The following PTDSS1 variants were observed in gnomAD, a reference collection of about 807,000 sequenced individuals.
The protein encoded by PTDSS1 is PSS-1.
In PTDSS1, 45 loss-of-function variants were observed where a neutral mutation model predicts 70.5. That is an observed-to-expected ratio of 0.64 (90% confidence interval 0.50 to 0.82). PTDSS1 has a LOEUF of 0.82. Among genes scored for constraint, PTDSS1 ranks in the 40% least tolerant of loss-of-function variants. The probability of loss-of-function intolerance (pLI) is 0.00; values close to 1 mark genes in which losing one functional copy is unlikely to be tolerated. For missense variants in PTDSS1, 417 were observed against 586.1 expected (o/e 0.71, Z 2.98); for synonymous variants, 188 against 203.8 (o/e 0.92, Z 0.66).
intron 4 of PTDSS1, among the ~76,000 whole-genome samples, chr8:96,289,189 G>C (rs1010786433): frequency 6.6e-6 from 1 of 152,166 alleles, no homozygotes; most frequent in Non-Finnish European, 1.5e-5. Context: ...CCCTCCCATA[G>C]TGCTGGGATT....
At chr8:96,304,358 T>C (rs191831426) in intron 7 of PTDSS1, among the ~76,000 whole-genome samples, 177 bp downstream of exon 7, 1 of 152,354 alleles carries the variant, frequency 6.6e-6, no homozygotes, top group African/African-American at 2.4e-5. Flanking sequence ...ATGCCTAAGG[T>C]CTTGCCTCAT....
intron 3 of PTDSS1, among the ~76,000 whole-genome samples, chr8:96,284,450 T>C (rs1810792801): frequency 1.3e-5 from 2 of 152,242 alleles, no homozygotes; most frequent in Non-Finnish European, 2.9e-5. Flanking sequence ...TTCCTTTATG[T>C]GTTTTCATAG....
intron 9 of PTDSS1, among the ~76,000 whole-genome samples, chr8:96,317,834 A>G (rs1265536707): frequency 1.3e-5 from 2 of 150,984 alleles, no homozygotes; most frequent in Non-Finnish European, 3.0e-5. Context: ...GAATAGAAAA[A>G]TATCAGAATA....
intron 12 of PTDSS1, among the ~76,000 whole-genome samples, chr8:96,333,160 A>G (rs1369336511): frequency 6.6e-6 from 1 of 152,046 alleles, no homozygotes; most frequent in East Asian, 1.9e-4. Context: ...TTGTGCTCTC[A>G]CTTCTGGTCC....
chr8:96,327,791 G>A (rs1034074261), intron 10 of PTDSS1, among the ~76,000 whole-genome samples: 1 of 152,120 alleles, frequency 6.6e-6, no homozygotes, highest in Non-Finnish European at 1.5e-5. Context: ...CGCCAGCCCC[G>A]TGGTCCTGGA....
chr8:96,289,273 G>C (rs1185739582), intron 4 of PTDSS1, among the ~76,000 whole-genome samples: 3 of 152,168 alleles, frequency 2.0e-5, no homozygotes, highest in African/African-American at 7.2e-5. Context: ...CTTTCCGGAG[G>C]ATGGAAGGTG....
At chr8:96,292,480 G>A (rs904335431) in intron 4 of PTDSS1, among the ~76,000 whole-genome samples, 4 of 151,878 alleles carry the variant, frequency 2.6e-5, no homozygotes, top group African/African-American at 9.7e-5. Flanking sequence ...TGGGGAGCTG[G>A]GACCAGTCTG....
chr8:96,279,188 C>T (rs1480986587), intron 2 of PTDSS1, among the ~76,000 whole-genome samples: 1 of 151,040 alleles, frequency 6.6e-6, no homozygotes, highest in African/African-American at 2.4e-5. Flanking sequence ...ACTATGCTGG[C>T]CAGGCTGGTC....
intron 10 of PTDSS1, among the ~76,000 whole-genome samples, chr8:96,328,659 G>A (rs1192231991): frequency 6.6e-6 from 1 of 152,228 alleles, no homozygotes; most frequent in Non-Finnish European, 1.5e-5. Context: ...AGGACAGCTA[G>A]CCAGAGTGTT....
intron 4 of PTDSS1, among the ~76,000 whole-genome samples, chr8:96,287,974 A>G (rs1034084534): frequency 5.3e-5 from 8 of 152,136 alleles, no homozygotes; most frequent in African/African-American, 1.9e-4. Flanking sequence ...AAGACTGCCC[A>G]CATTTCAGAT....
intron 6 of PTDSS1, among the ~76,000 whole-genome samples, chr8:96,302,649 T>C (rs1811066643): frequency 6.6e-6 from 1 of 152,138 alleles, no homozygotes; most frequent in Admixed American, 6.5e-5. Flanking sequence ...TGGCACAATC[T>C]TGGCTCACTG....
At position 96,306,435 on chromosome 8, in the gene PTDSS1, C is replaced by T. The variant is rs756228049; in HGVS notation, c.895-9C>T. On this transcript the variant is annotated splice_polypyrimidine_tract_variant and intron_variant, in intron 7 of 12. Coordinates refer to ENST00000517309, the MANE Select transcript of PTDSS1 (RefSeq NM_014754.3). ...GTACCAGGTTGACTAATTTCTCCGT[C>T]TTTTTCAGCTGACTGAGTTGAATAC... 2.5e-6 allele frequency: 4 copies of T among 1,606,924 alleles called. No individual in the cohort carries two copies. The East Asian group carries it at 8.9e-5, about 36-fold the overall frequency.
intron 9 of PTDSS1, among the ~76,000 whole-genome samples, chr8:96,317,057 A>ATGTG (rs749702023): frequency 2.0e-5 from 3 of 148,508 alleles, no homozygotes; most frequent in South Asian, 2.1e-4. Flanking sequence ...GTATATATAT[A>ATGTG]TGTGTGTGTG....
intron 7 of PTDSS1, 141 bp downstream of exon 7, chr8:96,304,322 G>A: frequency 9.7e-7 from 1 of 1,031,632 alleles, no homozygotes; most frequent in Non-Finnish European, 1.4e-6. Flanking sequence ...CTGGCATGTA[G>A]AATAATTAAG....
chr8:96,268,034 T>A (rs1810512686), intron 1 of PTDSS1, among the ~76,000 whole-genome samples: 1 of 152,258 alleles, frequency 6.6e-6, no homozygotes, highest in African/African-American at 2.4e-5. Context: ...GTATCTAACA[T>A]GTCATAATAT....
chr8:96,279,666 A>C (rs925810436), intron 2 of PTDSS1, among the ~76,000 whole-genome samples: 21 of 151,950 alleles, frequency 1.4e-4, no homozygotes, highest in South Asian at 4.1e-4. Context: ...TGAAAATACA[A>C]AAATTAGCCA....
intron 4 of PTDSS1, among the ~76,000 whole-genome samples, chr8:96,289,878 G>C (rs1206395567): frequency 6.6e-6 from 1 of 152,110 alleles, no homozygotes; most frequent in Non-Finnish European, 1.5e-5. Flanking sequence ...GAGAAAGTCT[G>C]TTTTGGAATT....
intron 10 of PTDSS1, among the ~76,000 whole-genome samples, chr8:96,324,625 C>A (rs1246570665): frequency 6.6e-6 from 1 of 152,162 alleles, no homozygotes; most frequent in Non-Finnish European, 1.5e-5. Flanking sequence ...TCCTTTTTAT[C>A]AGGAACCCAC....
At chr8:96,297,319 C>T (rs1191668752) in intron 5 of PTDSS1, among the ~76,000 whole-genome samples, 2 of 152,170 alleles carry the variant, frequency 1.3e-5, no homozygotes, top group Non-Finnish European at 2.9e-5. Context: ...GCTGAGATTA[C>T]AGGCGTGTGC....
Sources: gnomAD v4.1 joint callset for allele counts (sites outside exome capture counted in the v4.1 genomes callset) on GRCh38, gnomAD v4.1.1 for gene constraint, MANE v1.5 for transcripts, NCBI Gene and HGNC (gene_info 2026-07-23, HGNC 2026-07-21) for gene names.